Variants in CHRNG observed in about 807,000 individuals in gnomAD.
CHRNG encodes acetylcholine receptor subunit gamma.
CHRNG carries 72 observed loss-of-function variants against 65.2 expected under a neutral mutation model. That is an observed-to-expected ratio of 1.10 (90% CI 0.91 to 1.34). The LOEUF (loss-of-function observed/expected upper bound fraction) is 1.34. Among genes scored for constraint, CHRNG ranks in the 40% most tolerant of loss-of-function variants. CHRNG has a pLI of 0.00. For missense variants in CHRNG, 637 were observed against 680.1 expected (o/e 0.94, Z 0.70); for synonymous variants, 284 against 290.2 (o/e 0.98, Z 0.22).
intron 10 of CHRNG, 77 bp from the exon 11 acceptor site, chr2:232,544,695 G>C (rs1692091370): frequency 1.9e-6 from 3 of 1,581,568 alleles, no homozygotes; most frequent in Non-Finnish European, 2.6e-6. Context: ...AGGAGCTGGG[G>C]TCCCTAAGGA....
intron 1 of CHRNG, 59 bp downstream of exon 1, chr2:232,539,861 G>C (rs1691977195): frequency 3.1e-6 from 5 of 1,610,492 alleles, no homozygotes; most frequent in Non-Finnish European, 4.2e-6. Flanking sequence ...ACAGCCTCAG[G>C]GGATGGAGGG....
At position 232,544,396 on chromosome 2, in the gene CHRNG, G is replaced by A; in HGVS notation, c.1065G>A (p.Leu355=). 2 of 1,613,488 alleles carry A rather than the reference G, an allele frequency of 1.2e-6. No homozygotes were observed. The highest frequency in any genetic ancestry group is 1.7e-6 in the Non-Finnish European group (2 of 1,180,020). The change falls in exon 10 of 12, where the codon CTG becomes CTA. Residue 355 remains leucine, a synonymous_variant. Transcript: ENST00000651502. The part of the protein sequence containing the change: ...KVFLRLLPQL[L]RMHVRPLAPA... The stretch of plus-strand genomic sequence containing the variant: ...TCCTGAGGCTCTTGCCCCAGCTGCT[G>A]AGGATGCACGTTCGCCCGCTGGCCC...
chr2:232,545,579 G>C lies in CHRNG; in HGVS notation c.1417G>C (p.Asp473His). 6.2e-7 allele frequency: 1 copy of C among 1,614,012 alleles called. No individual in the cohort carries two copies. The highest frequency in any genetic ancestry group is 1.1e-5 in the South Asian group (1 of 91,072). ...GTGGTTCCTGGTGGGCCGAGTGCTG[G>C]ACCGCGTCTGCTTCCTGGCCATGCT... ...EEWFLVGRVL[D>H]RVCFLAMLSL... The change falls in exon 12 of 12, where the codon GAC becomes CAC. Residue 473 changes from aspartate to histidine, a missense_variant. Coordinates refer to ENST00000651502, the MANE Select transcript of CHRNG (RefSeq NM_005199.5).
chr2:232,547,271 A>T lies in CHRNG; in HGVS notation c.*1555A>T, dbSNP rs1424952213. Among the ~76,000 whole-genome samples the T allele has an allele frequency of 1.3e-5, 2 of 152,016 alleles. No individual in the cohort carries two copies. The highest frequency in any genetic ancestry group is 2.9e-5 in the Non-Finnish European group (2 of 68,014). ...GCCTCTACCAAAAAATACAAAACTT[A>T]GCTGGGCGTGGTGATGCATGCCTGT... is the stretch of plus-strand genomic sequence containing the variant. On this transcript the variant is annotated 3_prime_UTR_variant, in exon 12 of 12. Transcript: ENST00000651502.
rs965008781 is a variant in CHRNG, at chr2:232,547,333, G to A, written c.*1617G>A. ...CTCGGGAGGCTGAGGTGGGAGGATC[G>A]CTTGAGCCCAGGAGGTCTAGGCTGC... On this transcript the variant is annotated 3_prime_UTR_variant, in exon 12 of 12. Coordinates refer to ENST00000651502, the MANE Select transcript of CHRNG (RefSeq NM_005199.5). Among the ~76,000 whole-genome samples, 5 of 152,144 alleles carry A rather than the reference G, an allele frequency of 3.3e-5. No homozygotes were observed. Among genetic ancestry groups the A allele is most frequent in the Non-Finnish European group, 5.9e-5 (4 of 68,024 alleles).
intron 6 of CHRNG, 70 bp downstream of exon 6, chr2:232,542,590 G>C (rs983711786): frequency 3.7e-6 from 4 of 1,077,314 alleles, no homozygotes; most frequent in Non-Finnish European, 5.7e-6. Context: ...TGTGGTCAAG[G>C]CTGGACCAAG....
chr2:232,543,390 G>C lies in CHRNG; in HGVS notation c.920+1G>C, dbSNP rs773805380. On this transcript the variant is annotated splice_donor_variant, in intron 8 of 11. Coordinates refer to ENST00000651502, the MANE Select transcript of CHRNG (RefSeq NM_005199.5). LOFTEE classifies it high-confidence loss of function. Reference sequence around the variant, plus strand: ...CCCAGGCGGTGCCACTCATCAGCAAGTAAGGCTGGTCTTCATGTCCACCCG... The same window carrying C: ...CCCAGGCGGTGCCACTCATCAGCAACTAAGGCTGGTCTTCATGTCCACCCG... The C allele has an allele frequency of 6.2e-7, 1 of 1,605,806 alleles. No individual in the cohort carries two copies. Among genetic ancestry groups the C allele is most frequent in the South Asian group, 1.1e-5 (1 of 90,934 alleles).
Position 232,548,066 on chromosome 2 carries a change from C to A in CHRNG, c.*2350C>A. The stretch of plus-strand genomic sequence containing the variant: ...ATTGTCTAATAAAACAATATACATA[C>A]CTAAATTTAAAAATACTTTATTGCT... On this transcript the variant is annotated 3_prime_UTR_variant, in exon 12 of 12. Transcript: ENST00000651502. 1.7e-6 allele frequency: 1 copy of A among 589,354 alleles called. No homozygotes were observed. The highest frequency in any genetic ancestry group is 2.9e-5 in the East Asian group (1 of 34,232). The allele number at this position is 589,354 out of a possible 1,614,324, so 36.5% of individuals were successfully genotyped here.
Position 232,543,073 on chromosome 2 carries a change from C to A in CHRNG, c.796C>A (p.Pro266Thr). 1 of 1,614,164 alleles carries A rather than the reference C, an allele frequency of 6.2e-7. No individual in the cohort carries two copies. Among genetic ancestry groups the A allele is most frequent in the Non-Finnish European group, 8.5e-7 (1 of 1,179,980 alleles). ...TGTCGCCATCCTCATCCACTTCCTT[C>A]CTGCCAAGGGTACCTGGAGCCTATG... ...SSVAILIHFLPAKAGGQKCTV... is the reference protein window; with the variant it reads ...SSVAILIHFLTAKAGGQKCTV... Residue 266 changes from proline to threonine, a missense_variant, in exon 7 of 12, where the codon CCT becomes ACT. Coordinates refer to ENST00000651502, the MANE Select transcript of CHRNG (RefSeq NM_005199.5).
rs143522081 is a variant in CHRNG at position 232,544,427 on chromosome 2, G to T, written c.1096G>T (p.Ala366Ser). Residue 366 changes from alanine (A) to serine (S), a missense_variant, in exon 10 of 12, where the codon GCT (alanine) becomes TCT (serine). Physicochemically the swap from Ala to Ser is moderately conservative, Grantham distance 99 (BLOSUM62 1). Transcript: ENST00000651502. Reference sequence around the variant, plus strand: ...GCACGTTCGCCCGCTGGCCCCGGCAGCTGTGCAGGACACCCAGTCCCGGCT... The same window carrying T: ...GCACGTTCGCCCGCTGGCCCCGGCATCTGTGCAGGACACCCAGTCCCGGCT... ...RMHVRPLAPA[A>S]VQDTQSRLQN... The T allele has an allele frequency of 2.7e-5, 43 of 1,613,510 alleles. No individual in the cohort carries two copies. The highest frequency in any genetic ancestry group is 3.6e-5 in the Non-Finnish European group (43 of 1,180,006).
In CHRNG at chr2:232,540,301, C is replaced by G. The variant is rs371350051; in HGVS notation, c.196-80C>G. The G allele has an allele frequency of 6.2e-7, 1 of 1,602,482 alleles. No individual in the cohort carries two copies. Among genetic ancestry groups the G allele is most frequent in the East Asian group, 2.2e-5 (1 of 44,818 alleles). On this transcript the variant is annotated intron_variant, in intron 2 of 11. Transcript: ENST00000651502. This position sits in a 1 kb window ranked among gnomAD's most constrained non-coding sequence, Gnocchi z 4.2. ...AGTACTATCAAGAGGCTGGGGGATG[C>G]TTGGCCCCATTGGTGGCCTGTGGGG...
In CHRNG at chr2:232,542,870, G is replaced by A. The variant is rs1248931138; in HGVS notation, c.605-12G>A. The A allele has an allele frequency of 6.2e-7, 1 of 1,606,148 alleles. No individual in the cohort carries two copies. Among genetic ancestry groups the A allele is most frequent in the Non-Finnish European group, 8.5e-7 (1 of 1,179,400 alleles). On this transcript the variant is annotated splice_polypyrimidine_tract_variant and intron_variant, in intron 6 of 11. Coordinates refer to ENST00000651502, the MANE Select transcript of CHRNG (RefSeq NM_005199.5). The stretch of plus-strand genomic sequence containing the variant: ...TTCTTGTGCCCACTCCTGCCTGCCT[G>A]CCTGCCCGCAGAGAATGGGGAGTGG...
At chr2:232,543,503 AGGCC>A in intron 8 of CHRNG, 78 bp from the exon 9 acceptor site, 1 of 1,091,632 alleles carries the variant, frequency 9.2e-7, no homozygotes, top group Non-Finnish European at 1.3e-6. Context: ...TCAATTCAGG[AGGCC>A]TGAGGGGGGG....
At chr2:232,544,638 C>T in intron 10 of CHRNG, 58 bp downstream of exon 10, 1 of 1,565,982 alleles carries the variant, frequency 6.4e-7, no homozygotes, top group South Asian at 1.1e-5. Flanking sequence ...AGCTGGGGAG[C>T]CAGGCACAGC....
At chr2:232,542,285 T>C (rs975279608) in intron 5 of CHRNG, 138 bp from the exon 6 acceptor site, 2 of 687,852 alleles carry the variant, frequency 2.9e-6, no homozygotes, top group Non-Finnish European at 5.3e-6. Flanking sequence ...GCCAGTGGGG[T>C]TTTATAGAGA....
In CHRNG at chr2:232,539,746, C is replaced by T. The variant is rs1231421076; in HGVS notation, c.-2C>T. The stretch of plus-strand genomic sequence containing the variant: ...CCTGTCACTGCAGAGAGCTGAGGCA[C>T]CATGCATGGGGGCCAGGGGCCGCTG... On this transcript the variant is annotated 5_prime_UTR_variant, in exon 1 of 12. Transcript: ENST00000651502. 7 of 1,613,782 alleles carry T rather than the reference C, an allele frequency of 4.3e-6. No homozygotes were observed. The Admixed American group carries it at 8.3e-5, about 19-fold the overall frequency.
At chr2:232,543,195 G>A (rs1014694994) in intron 7 of CHRNG, 80 bp from the exon 8 acceptor site, 53 of 1,515,080 alleles carry the variant, frequency 3.5e-5, no homozygotes, top group African/African-American at 1.1e-4. Flanking sequence ...CAGAGGCAGC[G>A]GGCTACTTCT....
chr2:232,541,427 A>G lies in CHRNG; in HGVS notation c.404A>G (p.Asp135Gly). 1 of 1,614,038 alleles carries G rather than the reference A, an allele frequency of 6.2e-7. No individual in the cohort carries two copies. The highest frequency in any genetic ancestry group is 1.7e-5 in the Admixed American group (1 of 60,016). ...ALYCNVLVSP[D>G]GCIYWLPPAI... ...TACTGCAATGTGCTCGTGTCCCCTGACGGCTGTATCTACTGGCTGCCGCCT... is the reference window on the plus strand; with the variant it reads ...TACTGCAATGTGCTCGTGTCCCCTGGCGGCTGTATCTACTGGCTGCCGCCT... Residue 135 changes from aspartate to glycine, a missense_variant, in exon 5 of 12, where the codon GAC becomes GGC. Physicochemically the swap from Asp to Gly is moderately conservative, Grantham distance 94 (BLOSUM62 -1). Transcript: ENST00000651502. This position sits in a 1 kb window ranked among gnomAD's most constrained non-coding sequence, Gnocchi z 4.0.
Position 232,545,735 on chromosome 2 carries a change from G to T in CHRNG, c.*19G>T. 1 of 1,613,806 alleles carries T rather than the reference G, an allele frequency of 6.2e-7. No homozygotes were observed. Among genetic ancestry groups the T allele is most frequent in the Non-Finnish European group, 8.5e-7 (1 of 1,179,876 alleles). On this transcript the variant is annotated 3_prime_UTR_variant, in exon 12 of 12. Transcript: ENST00000651502. The stretch of plus-strand genomic sequence containing the variant: ...AGACTGAGCCAACCAACCACTGTGG[G>T]GCATGTGGGAGTCACACACGTGGGT...
Sources: allele counts gnomAD v4.1 joint callset (sites outside exome capture counted in the v4.1 genomes callset), GRCh38; gene constraint gnomAD v4.1.1; non-coding constraint Gnocchi (gnomAD v3.1); transcripts MANE v1.5; gene names NCBI Gene and HGNC (gene_info 2026-07-23, HGNC 2026-07-21).